Variants in KRT78 observed in about 807,000 individuals in gnomAD.
KRT78 encodes keratin, type II cytoskeletal 78.
Under a neutral mutation model 51.4 loss-of-function variants are expected in KRT78, and 55 were observed. That is an observed-to-expected ratio of 1.07 (90% confidence interval 0.86 to 1.34). The LOEUF (loss-of-function observed/expected upper bound fraction) is 1.34. Among genes scored for constraint, KRT78 ranks in the 40% most tolerant of loss-of-function variants. KRT78 has a pLI of 0.00. For missense variants in KRT78, 652 were observed against 649.4 expected, an observed-to-expected ratio of 1.00 and a Z score of -0.04; for synonymous variants, 291 against 264.3, an observed-to-expected ratio of 1.10 and a Z score of -0.98.
At chr12:52,842,937 A>AGAGAGAGAG (rs1565698617) in intron 6 of KRT78, among the ~76,000 whole-genome samples, 2 of 103,674 alleles carry the variant, frequency 1.9e-5, no homozygotes, top group Non-Finnish European at 1.7e-5. Context: ...GAAAGAAAGA[A>AGAGAGAGAG]AGAGAGAGAG....
chr12:52,848,019 C>T lies in KRT78; in HGVS notation c.487G>A (p.Glu163Lys). The T allele has an allele frequency of 6.2e-7, 1 of 1,614,206 alleles. No homozygotes were observed. The highest frequency in any genetic ancestry group is 8.5e-7 in the Non-Finnish European group (1 of 1,180,006). The change falls in exon 2 of 9, where the codon GAG (glutamate) becomes AAG (lysine). Residue 163 changes from glutamate to lysine, a missense_variant. Glu to Lys is a moderately conservative substitution (Grantham distance 56, BLOSUM62 1). Transcript: ENST00000304620. Reference protein sequence around the residue: ...GSQQGLEPVFEACLDQLRKQL... With the variant: ...GSQQGLEPVFKACLDQLRKQL... ...TTCCTGAGCTGATCCAGGCAGGCCT[C>T]AAAGACAGGCTCCAGGCCCTGCTGG...
Position 52,839,507 on chromosome 12 carries a change from A to AG in KRT78, c.1269-21dup. 2 of 1,570,356 alleles carry AG rather than the reference A, an allele frequency of 1.3e-6. No homozygotes were observed. Among genetic ancestry groups the AG allele is most frequent in the Non-Finnish European group, 1.7e-6 (2 of 1,158,682 alleles). On this transcript the variant is annotated intron_variant, in intron 7 of 8. Transcript: ENST00000304620. ...GACATCCTAGGGGGAAAAGGACAAG[A>AG]GGGGGATGCGCTAAGGAATACTACA...
Position 52,848,959 on chromosome 12 carries a change from G to A in KRT78, c.-29C>T. 6.6e-7 allele frequency: 1 copy of A among 1,513,008 alleles called. No homozygotes were observed. The allele number at this position is 1,513,008 out of a possible 1,614,324, so 93.7% of individuals were successfully genotyped here. A position where few individuals can be genotyped will look rare whatever the true frequency, so the allele number is the denominator to read the frequency against. On this transcript the variant is annotated 5_prime_UTR_variant, in exon 1 of 9. Coordinates refer to ENST00000304620, the MANE Select transcript of KRT78 (RefSeq NM_173352.4). ...AGAGACAGACAGTCACGCAGCTGCAGACGGACAGACAGATTGTCAAGGTGT... is the reference window on the plus strand; with the variant it reads ...AGAGACAGACAGTCACGCAGCTGCAAACGGACAGACAGATTGTCAAGGTGT...
At chr12:52,848,179 T>C in intron 1 of KRT78, 58 bp from the exon 2 acceptor site, 1 of 1,586,518 alleles carries the variant, frequency 6.3e-7, no homozygotes, top group Non-Finnish European at 8.6e-7. Context: ...GCACAGCCTC[T>C]GGAAAGTAAA....
Position 52,839,068 on chromosome 12 carries a change from G to C in KRT78, c.*45C>G. On this transcript the variant is annotated 3_prime_UTR_variant, in exon 9 of 9. Coordinates refer to ENST00000304620, the MANE Select transcript of KRT78 (RefSeq NM_173352.4). ...GGCCTTGCAGAGCCGGCTGATGGGG[G>C]GAGTGGGCCAAATGTGTTCAGGAAG... 6.3e-7 allele frequency: 1 copy of C among 1,584,638 alleles called. No individual in the cohort carries two copies. The highest frequency in any genetic ancestry group is 8.6e-7 in the Non-Finnish European group (1 of 1,167,176).
chr12:52,844,460 G>T, intron 5 of KRT78, 99 bp downstream of exon 5: 1 of 1,404,790 alleles, frequency 7.1e-7, no homozygotes, highest in Non-Finnish European at 9.7e-7. Flanking sequence ...GGAGGTAACT[G>T]GAACTGCCCC....
Position 52,838,779 on chromosome 12 carries a change from C to T in KRT78, c.*334G>A, listed in dbSNP as rs751222219. The stretch of plus-strand genomic sequence containing the variant: ...TGGAGTTGTGGGAGATGGAGGGCAC[C>T]CCAAGGAACACACTGGAGAGCTTGA... On this transcript the variant is annotated 3_prime_UTR_variant, in exon 9 of 9. Transcript: ENST00000304620. 15 of 333,274 alleles carry T rather than the reference C, an allele frequency of 4.5e-5. No individual in the cohort carries two copies. The highest frequency in any genetic ancestry group is 7.2e-5 in the Non-Finnish European group (13 of 180,802). The allele number at this position is 333,274 out of a possible 1,614,324, so 20.6% of individuals were successfully genotyped here. A position where few individuals can be genotyped will look rare whatever the true frequency, so the allele number is the denominator to read the frequency against.
chr12:52,845,721 C>T (rs1461489482), intron 4 of KRT78, among the ~76,000 whole-genome samples: 1 of 152,046 alleles, frequency 6.6e-6, no homozygotes, highest in African/African-American at 2.4e-5. Context: ...TTTGGGAGGC[C>T]GAGGCGGGTG....
intron 4 of KRT78, 59 bp downstream of exon 4, chr12:52,846,138 G>A (rs1940636322): frequency 8.2e-7 from 1 of 1,224,472 alleles, no homozygotes; most frequent in Non-Finnish European, 1.2e-6. Context: ...ATGGCCACAG[G>A]AAGCCTGCCC....
intron 6 of KRT78, 151 bp from the exon 7 acceptor site, chr12:52,840,135 T>A: frequency 1.6e-6 from 1 of 609,260 alleles, no homozygotes; most frequent in Non-Finnish European, 2.9e-6. Context: ...ACACCACCCC[T>A]GCAACAGGCT....
Position 52,839,372 on chromosome 12 carries a change from G to T in KRT78, c.1304C>A (p.Ser435Tyr), listed in dbSNP as rs763511234. ...SGECTSQVTI[S>Y]SVGGSAVMSG... is the part of the protein sequence containing the mutation. ...CATGACAGCGCTGCCTCCCACCGAG[G>T]CTGCCAAGAAACGCACCGGGTCAGA... The change falls in exon 9 of 9, where the codon TCC (serine) becomes TAC (tyrosine). Residue 435 changes from serine (S) to tyrosine (Y), a missense_variant and splice_region_variant. Coordinates refer to ENST00000304620, the MANE Select transcript of KRT78 (RefSeq NM_173352.4). 3.1e-6 allele frequency: 5 copies of T among 1,613,566 alleles called. No individual in the cohort carries two copies. The Admixed American group carries it at 6.7e-5, about 22-fold the overall frequency.
Position 52,844,730 on chromosome 12 carries a change from G to A in KRT78, c.757-7C>T, listed in dbSNP as rs1565700208. The A allele has an allele frequency of 6.2e-7, 1 of 1,603,502 alleles. No homozygotes were observed. The highest frequency in any genetic ancestry group is 8.5e-7 in the Non-Finnish European group (1 of 1,173,694). On this transcript the variant is annotated splice_region_variant and splice_polypyrimidine_tract_variant and intron_variant, in intron 4 of 8. Transcript: ENST00000304620. The stretch of plus-strand genomic sequence containing the variant: ...TCTGGAGCTGGCCCAGCTCCTGCAG[G>A]GAAGACAGACTCAGTGTCCACTCAC...
intron 3 of KRT78, 47 bp from the exon 4 acceptor site, chr12:52,846,339 G>A (rs560486376): frequency 1.7e-6 from 2 of 1,196,046 alleles, no homozygotes; most frequent in East Asian, 2.3e-5. Flanking sequence ...TTCCTCTTTG[G>A]GGTCCCTACT....
In KRT78 at chr12:52,842,959, G is replaced by GAGAGAGAGAAAGGAAGGA. The variant is rs1299063277; in HGVS notation, c.1047+1133_1047+1134insTCCTTCCTTTCTCTCTCT. On this transcript the variant is annotated intron_variant, in intron 6 of 8. Transcript: ENST00000304620. ...AGAAAGAGAGAGAGAGAGAGAGAGA[G>GAGAGAGAGAAAGGAAGGA]AGGAAGGAAGGAAGGAAGGAAGGAA... 6.3e-4 allele frequency among the ~76,000 whole-genome samples: 34 copies of GAGAGAGAGAAAGGAAGGA among 53,760 alleles called. 3 individuals are homozygous for GAGAGAGAGAAAGGAAGGA. The highest frequency in any genetic ancestry group is 8.2e-4 in the Admixed American group (4 of 4,880). The allele number at this position is 53,760 out of a possible 152,430, so 35.3% of individuals were successfully genotyped here. A position where few individuals can be genotyped will look rare whatever the true frequency, so the allele number is the denominator to read the frequency against.
At chr12:52,842,961 G>GAGAGAGAGAGAGAGA (rs1217222099) in intron 6 of KRT78, among the ~76,000 whole-genome samples, 7 of 28,862 alleles carry the variant, frequency 2.4e-4, no homozygotes, top group African/African-American at 1.0e-3. Context: ...GAGAGAGAGA[G>GAGAGAGAGAGAGAGA]GAAGGAAGGA....
rs1008712414 is a variant in KRT78 at position 52,839,931 on chromosome 12, G to A, written c.1101C>T (p.Ala367=). 5.6e-6 allele frequency: 9 copies of A among 1,613,922 alleles called. No homozygotes were observed. The highest frequency in any genetic ancestry group is 1.7e-5 in the Admixed American group (1 of 59,996). ...CCACCTTGGCCTGAGCGTCCTTGAG[G>A]GCCAGCTCCCCACGCTGCTCAGCAT... ...ITDAEQRGEL[A]LKDAQAKVDE... The change falls in exon 7 of 9, where the codon GCC becomes GCT. Residue 367 remains alanine (A), a synonymous_variant. Coordinates refer to ENST00000304620, the MANE Select transcript of KRT78 (RefSeq NM_173352.4).
At chr12:52,841,443 C>T (rs1298161321) in intron 6 of KRT78, among the ~76,000 whole-genome samples, 8 of 150,598 alleles carry the variant, frequency 5.3e-5, no homozygotes, top group South Asian at 2.1e-4. Context: ...GCCGAGATCG[C>T]GCCACTGCAT....
rs778364688 is a variant in KRT78, at chr12:52,839,174, C to T, written c.1502G>A (p.Ser501Asn). 4.5e-5 allele frequency: 73 copies of T among 1,612,810 alleles called. No homozygotes were observed. The highest frequency in any genetic ancestry group is 6.0e-5 in the Non-Finnish European group (71 of 1,179,778). ...TGTCTTCTTCAGGATGGTGTGGCAG[C>T]TGGAGCCAGCGCTGGAGCCAGACAC... Reference protein sequence around the residue: ...CSVSGSSAGSSCHTILKKTVE... With the variant: ...CSVSGSSAGSNCHTILKKTVE... The change falls in exon 9 of 9, where the codon AGC (serine) becomes AAC (asparagine). Residue 501 changes from serine to asparagine, a missense_variant. Physicochemically the swap from Ser to Asn is conservative, Grantham distance 46. Transcript: ENST00000304620.
In KRT78 at chr12:52,838,968, A is replaced by G. The variant is rs1252871201; in HGVS notation, c.*145T>C. 2 of 926,330 alleles carry G rather than the reference A, an allele frequency of 2.2e-6. No individual in the cohort carries two copies. The highest frequency in any genetic ancestry group is 3.3e-5 in the African/African-American group (2 of 61,036). The allele number at this position is 926,330 out of a possible 1,614,324, so 57.4% of individuals were successfully genotyped here. On this transcript the variant is annotated 3_prime_UTR_variant, in exon 9 of 9. Coordinates refer to ENST00000304620, the MANE Select transcript of KRT78 (RefSeq NM_173352.4). Reference sequence around the variant, plus strand: ...AAGCACTTAGAGCATTCAGAACAGCAGGAGGGGAGACTTTATTGATTTTTG... The same window carrying G: ...AAGCACTTAGAGCATTCAGAACAGCGGGAGGGGAGACTTTATTGATTTTTG...
Sources: allele counts gnomAD v4.1 joint callset (sites outside exome capture counted in the v4.1 genomes callset), GRCh38; gene constraint gnomAD v4.1.1; transcripts MANE v1.5; gene names NCBI Gene and HGNC (gene_info 2026-07-23, HGNC 2026-07-21).